Variants in ZBTB7C observed in about 807,000 individuals in gnomAD.
The protein encoded by ZBTB7C is zinc finger and BTB domain-containing protein 7C.
ZBTB7C carries 8 observed loss-of-function variants against 25.7 expected under a neutral mutation model. The ratio of observed to expected loss-of-function variants is 0.31; its 90% CI spans 0.18 to 0.56. ZBTB7C has a LOEUF of 0.56. ZBTB7C is among the 20% of genes least tolerant of loss of function. The pLI, the probability that ZBTB7C is intolerant of heterozygous loss-of-function variation, is 0.91. For missense variants in ZBTB7C, 824 were observed against 855.2 expected (o/e 0.96, Z 0.46); for synonymous variants, 394 against 369.0 (o/e 1.07, Z -0.78).
intron 2 of ZBTB7C, among the ~76,000 whole-genome samples, chr18:48,267,149 A>G (rs1209794760): frequency 5.9e-5 from 9 of 152,206 alleles, no homozygotes; most frequent in Admixed American, 5.2e-4. Context: ...GCACAAGGTC[A>G]TCTTCTTCTA....
intron 3 of ZBTB7C, among the ~76,000 whole-genome samples, chr18:48,087,259 A>G (rs2038226617): frequency 6.6e-6 from 1 of 152,266 alleles, no homozygotes; most frequent in Non-Finnish European, 1.5e-5. Context: ...AAGAGGCAGG[A>G]AAGCTCCAGT....
intron 1 of ZBTB7C, chr18:48,408,735 G>A (rs2145349193): frequency 6.6e-6 from 1 of 152,152 alleles, no homozygotes; most frequent in South Asian, 2.1e-4. Flanking sequence ...ACTTTTGGCA[G>A]AAACCACCTG....
At chr18:48,213,451 T>C (rs2042748642) in intron 2 of ZBTB7C, among the ~76,000 whole-genome samples, 2 of 152,250 alleles carry the variant, frequency 1.3e-5, no homozygotes, top group Non-Finnish European at 2.9e-5. Flanking sequence ...ACTCTTTCCC[T>C]GAACCTTTCC....
chr18:48,136,525 C>T (rs866727455), intron 3 of ZBTB7C, among the ~76,000 whole-genome samples: 1 of 152,250 alleles, frequency 6.6e-6, no homozygotes, highest in Middle Eastern at 3.4e-3. Context: ...TCCCTCCCGT[C>T]CCCAAGTTTT....
intron 3 of ZBTB7C, among the ~76,000 whole-genome samples, chr18:48,098,869 T>A (rs947524072): frequency 3.3e-5 from 5 of 152,192 alleles, no homozygotes; most frequent in African/African-American, 1.2e-4. Context: ...ATGAGGCTAT[T>A]CCTGTTGCTG....
intron 3 of ZBTB7C, among the ~76,000 whole-genome samples, chr18:48,075,363 T>C (rs781502625): frequency 2.0e-4 from 30 of 152,166 alleles, no homozygotes; most frequent in Non-Finnish European, 3.4e-4. Flanking sequence ...AGGCTGGTGA[T>C]GCGACAAAGG....
At chr18:48,063,770 T>G (rs1183844945) in intron 3 of ZBTB7C, among the ~76,000 whole-genome samples, 1 of 152,198 alleles carries the variant, frequency 6.6e-6, no homozygotes, top group Non-Finnish European at 1.5e-5. Context: ...TTGCAGATGT[T>G]GAGAAAACTA....
chr18:48,336,739 C>T (rs1250849921), intron 2 of ZBTB7C, among the ~76,000 whole-genome samples: 1 of 152,174 alleles, frequency 6.6e-6, no homozygotes, highest in African/African-American at 2.4e-5. Flanking sequence ...ACCCACCTAC[C>T]TCCAGGATTG....
intron 1 of ZBTB7C, among the ~76,000 whole-genome samples, chr18:48,382,207 T>C (rs189941497): frequency 7.4e-4 from 113 of 152,304 alleles, no homozygotes; most frequent in African/African-American, 2.6e-3. Flanking sequence ...CATTTACACA[T>C]GTGATTTAGA....
rs2035605817 is a variant in ZBTB7C at position 48,028,843 on chromosome 18, T to A, written c.*417A>T. ...AGGAGTGTTGGCAGAGACTTTGCCA[T>A]AGGGGGTGGGGCTTAACCAAGGTGC... On this transcript the variant is annotated 3_prime_UTR_variant, in exon 5 of 5. Transcript: ENST00000590800. 1 of 181,498 alleles carries A rather than the reference T, an allele frequency of 5.5e-6. No individual in the cohort carries two copies. The highest frequency in any genetic ancestry group is 6.4e-5 in the Admixed American group (1 of 15,726). The allele number at this position is 181,498 out of a possible 1,614,324, so 11.2% of individuals were successfully genotyped here. A position where few individuals can be genotyped will look rare whatever the true frequency, so the allele number is the denominator to read the frequency against.
chr18:48,231,585 G>T (rs2043253292), intron 2 of ZBTB7C, among the ~76,000 whole-genome samples: 1 of 152,154 alleles, frequency 6.6e-6, no homozygotes, highest in Non-Finnish European at 1.5e-5. Context: ...GCACCTTTTT[G>T]CCTTGCTCAG....
At chr18:48,396,948 G>T (rs1308232009) in intron 1 of ZBTB7C, among the ~76,000 whole-genome samples, 1 of 152,182 alleles carries the variant, frequency 6.6e-6, no homozygotes, top group African/African-American at 2.4e-5. Flanking sequence ...TTAGTGATCT[G>T]ATATTTCTTG....
At chr18:48,356,539 C>T (rs922123668) in intron 1 of ZBTB7C, among the ~76,000 whole-genome samples, 2 of 152,186 alleles carry the variant, frequency 1.3e-5, no homozygotes, top group East Asian at 3.8e-4. Context: ...AGGCCCTCCT[C>T]CAGGTCCCCA....
chr18:48,235,133 T>G (rs1301073175), intron 2 of ZBTB7C, among the ~76,000 whole-genome samples: 2 of 152,194 alleles, frequency 1.3e-5, no homozygotes, highest in Non-Finnish European at 2.9e-5. Flanking sequence ...CAATCTCTCT[T>G]TTAGCTGGTA....
At chr18:48,367,301 T>G (rs116288079) in intron 1 of ZBTB7C, among the ~76,000 whole-genome samples, 2,029 of 136,016 alleles carry the variant, frequency 0.015, 70 homozygotes, top group African/African-American at 0.047. Flanking sequence ...TCTATACATA[T>G]ATGTATAGAT....
chr18:48,353,246 G>C (rs2046903546), intron 1 of ZBTB7C, among the ~76,000 whole-genome samples: 1 of 152,118 alleles, frequency 6.6e-6, no homozygotes, highest in African/African-American at 2.4e-5. Flanking sequence ...CAATAACAAG[G>C]GGCTGAGGTG....
At chr18:48,351,911 G>A (rs1002358605) in intron 1 of ZBTB7C, among the ~76,000 whole-genome samples, 1 of 152,120 alleles carries the variant, frequency 6.6e-6, no homozygotes, top group African/African-American at 2.4e-5. Context: ...GCAGACAGAG[G>A]GGAGTGCTAA....
chr18:48,199,593 G>A (rs1361278959), intron 2 of ZBTB7C, among the ~76,000 whole-genome samples: 1 of 151,338 alleles, frequency 6.6e-6, no homozygotes, highest in African/African-American at 2.4e-5. Context: ...CTATTCCTTC[G>A]AGCTCTTTTT....
chr18:48,176,830 A>C (rs1363738847), intron 3 of ZBTB7C, among the ~76,000 whole-genome samples: 1 of 152,248 alleles, frequency 6.6e-6, no homozygotes, highest in African/African-American at 2.4e-5. Context: ...TCTCTGTAGG[A>C]GTGGACTCTC....
Sources: gnomAD v4.1 joint callset for allele counts (sites outside exome capture counted in the v4.1 genomes callset) on GRCh38, gnomAD v4.1.1 for gene constraint, MANE v1.5 for transcripts, NCBI Gene and HGNC (gene_info 2026-07-23, HGNC 2026-07-21) for gene names.